Variants in PRKAA1 observed in about 807,000 individuals in gnomAD.
PRKAA1 encodes 5'-AMP-activated protein kinase catalytic subunit alpha-1.
In PRKAA1, 23 loss-of-function variants were observed where a neutral mutation model predicts 56.9. The ratio of observed to expected loss-of-function variants is 0.40; its 90% CI spans 0.29 to 0.57. The LOEUF (loss-of-function observed/expected upper bound fraction) is 0.57. Among genes scored for constraint, PRKAA1 ranks in the 20% least tolerant of loss-of-function variants. The probability of loss-of-function intolerance (pLI) is 0.39; values close to 1 mark genes in which losing one functional copy is unlikely to be tolerated. For synonymous variants in PRKAA1, 226 were observed against 227.0 expected, an observed-to-expected ratio of 1.00 and a Z score of 0.04; for missense variants, 413 against 679.7, an observed-to-expected ratio of 0.61 and a Z score of 4.36.
At chr5:40,768,370 C>G in intron 5 of PRKAA1, 1 of 856,610 alleles carries the variant, frequency 1.2e-6, no homozygotes, top group Non-Finnish European at 1.4e-6. Context: ...TCAGTAATAG[C>G]CCATTGCATA....
chr5:40,777,918 C>CA (rs1251623913), intron 1 of PRKAA1, among the ~76,000 whole-genome samples: 1 of 152,108 alleles, frequency 6.6e-6, no homozygotes, highest in African/African-American at 2.4e-5. Context: ...ACTAAAAATA[C>CA]AAAAAATTGG....
At position 40,771,616 on chromosome 5, in the gene PRKAA1, C is replaced by T. The variant is rs540872099; in HGVS notation, c.508+103G>A. On this transcript the variant is annotated intron_variant, in intron 4 of 8. Coordinates refer to ENST00000397128, the MANE Select transcript of PRKAA1 (RefSeq NM_006251.6). ...ATACTTTGATATACTCAGTCTATTA[C>T]TTTATGTAATCTTTTACAGTTATCT... 4 of 1,180,286 alleles carry T rather than the reference C, an allele frequency of 3.4e-6. No homozygotes were observed. In the South Asian group the frequency reaches 6.1e-5, roughly 18 times the overall value. 73.1% of individuals were successfully genotyped at this position (1,180,286 alleles called of 1,614,324 possible).
In PRKAA1 at chr5:40,761,902, G is replaced by A. The variant is rs1304165942; in HGVS notation, c.*876C>T. On this transcript the variant is annotated 3_prime_UTR_variant, in exon 9 of 9. Transcript: ENST00000397128. ...CTGAATATATAAATTCTGTGTTTTT[G>A]GACTTGTAAAGCTAAAATGAAATTT... The A allele has an allele frequency of 1.3e-5, 2 of 152,124 alleles. No individual in the cohort carries two copies. The highest frequency in any genetic ancestry group is 2.9e-5 in the Non-Finnish European group (2 of 68,008). The allele number at this position is 152,124 out of a possible 1,614,324, so 9.4% of individuals were successfully genotyped here.
chr5:40,795,992 C>T (rs1279849622), intron 1 of PRKAA1, among the ~76,000 whole-genome samples: 1 of 152,214 alleles, frequency 6.6e-6, no homozygotes, highest in Non-Finnish European at 1.5e-5. Context: ...TGCTTTACTA[C>T]CTGCCATGCC....
intron 1 of PRKAA1, among the ~76,000 whole-genome samples, chr5:40,781,310 G>A (rs534270049): frequency 6.6e-6 from 1 of 152,284 alleles, no homozygotes; most frequent in South Asian, 2.1e-4. Context: ...AGACAGTCAT[G>A]AGGCTAAGTC....
At chr5:40,780,003 G>T (rs1313151502) in intron 1 of PRKAA1, among the ~76,000 whole-genome samples, 2 of 152,144 alleles carry the variant, frequency 1.3e-5, no homozygotes, top group Admixed American at 1.3e-4. Flanking sequence ...TAGCAAATTG[G>T]CACTATGTGT....
At chr5:40,765,577 T>C (rs938156387) in intron 6 of PRKAA1, among the ~76,000 whole-genome samples, 1 of 152,168 alleles carries the variant, frequency 6.6e-6, no homozygotes, top group Non-Finnish European at 1.5e-5. Context: ...TAATACTCTT[T>C]TGATATAATG....
Position 40,764,557 on chromosome 5 carries a change from T to G in PRKAA1, c.1392A>C (p.Gln464His). ...TYSKMSLQLYQVDSRTYLLDF... is the reference protein window; with the variant it reads ...TYSKMSLQLYHVDSRTYLLDF... ...CCAGTAGATAAGTTCTACTATCCACTTGGTATAACTGTAGACTCATTTTGG... is the reference window on the plus strand; with the variant it reads ...CCAGTAGATAAGTTCTACTATCCACGTGGTATAACTGTAGACTCATTTTGG... Residue 464 changes from glutamine to histidine, a missense_variant, in exon 8 of 9, where the codon CAA (glutamine) becomes CAC (histidine). Gln to His is a conservative substitution (Grantham distance 24). This residue lies in a region of PRKAA1 where 139 missense variants were observed against 171.5 expected (regional missense o/e 0.81). Transcript: ENST00000397128. 1 of 1,612,996 alleles carries G rather than the reference T, an allele frequency of 6.2e-7. No individual in the cohort carries two copies. Among genetic ancestry groups the G allele is most frequent in the South Asian group, 1.1e-5 (1 of 91,036 alleles).
In PRKAA1 at chr5:40,769,461, C is replaced by T; in HGVS notation, c.551G>A (p.Ser184Asn). 1 of 1,611,232 alleles carries T rather than the reference C, an allele frequency of 6.2e-7. No individual in the cohort carries two copies. The highest frequency in any genetic ancestry group is 8.5e-7 in the Non-Finnish European group (1 of 1,178,430). ...TGCAGCATAGTTGGGTGAGCCACAA[C>T]TTGTTCTTAAAAATTCACCATCTGA... ...MMSDGEFLRT[S>N]CGSPNYAAPE... The change falls in exon 5 of 9, where the codon AGT becomes AAT. Residue 184 changes from serine to asparagine, a missense_variant. This residue lies in a region of PRKAA1 where 113 missense variants were observed against 198.6 expected (regional missense o/e 0.57). Coordinates refer to ENST00000397128, the MANE Select transcript of PRKAA1 (RefSeq NM_006251.6).
rs1388008210 is a variant in PRKAA1, at chr5:40,769,823, C to T, written c.509-320G>A. 2.5e-5 allele frequency among the ~76,000 whole-genome samples: 3 copies of T among 120,154 alleles called. No individual in the cohort carries two copies. In the East Asian group the frequency reaches 7.7e-4, roughly 31 times the overall value. 78.8% of individuals were successfully genotyped at this position (120,154 alleles called of 152,430 possible). A position where few individuals can be genotyped will look rare whatever the true frequency, so the allele number is the denominator to read the frequency against. On this transcript the variant is annotated intron_variant, in intron 4 of 8. Coordinates refer to ENST00000397128, the MANE Select transcript of PRKAA1 (RefSeq NM_006251.6). ...AATCACTAGGGAAAATAATCTATAACAGATGAATAGAAGGATTAAAATTCA... is the reference window on the plus strand; with the variant it reads ...AATCACTAGGGAAAATAATCTATAATAGATGAATAGAAGGATTAAAATTCA...
intron 5 of PRKAA1, chr5:40,768,881 T>A: frequency 6.4e-7 from 1 of 1,562,260 alleles, no homozygotes; most frequent in African/African-American, 1.4e-5. Context: ...ATCTTCATGT[T>A]CTCAATGCTG....
chr5:40,786,786 CAAAAAAAAAAAAAA>C (rs34749478), intron 1 of PRKAA1, among the ~76,000 whole-genome samples: 30 of 43,514 alleles, frequency 6.9e-4, no homozygotes, highest in Non-Finnish European at 9.9e-4. Flanking sequence ...ACTAAAAATA[CAAAAAAAAAAAAAA>C]AAAAAAAAAA....
At chr5:40,791,966 A>AT (rs1744734470) in intron 1 of PRKAA1, among the ~76,000 whole-genome samples, 1 of 152,228 alleles carries the variant, frequency 6.6e-6, no homozygotes, top group African/African-American at 2.4e-5. Context: ...ATTATTTTTC[A>AT]TATTTATTTT....
chr5:40,792,983 C>G (rs1447394249), intron 1 of PRKAA1, among the ~76,000 whole-genome samples: 1 of 151,464 alleles, frequency 6.6e-6, no homozygotes, highest in Non-Finnish European at 1.5e-5. Flanking sequence ...TGGAGAATCG[C>G]TTGAACCCGG....
chr5:40,769,893 A>AC (rs1219953703), intron 4 of PRKAA1, among the ~76,000 whole-genome samples: 16 of 151,368 alleles, frequency 1.1e-4, no homozygotes, highest in African/African-American at 3.6e-4. Context: ...AAAAAAAAAA[A>AC]AAAAAAAACA....
intron 1 of PRKAA1, among the ~76,000 whole-genome samples, chr5:40,790,923 T>A (rs1744695306): frequency 6.6e-6 from 1 of 152,162 alleles, no homozygotes; most frequent in Non-Finnish European, 1.5e-5. Context: ...AAACCTATGA[T>A]GGAGGTATTG....
intron 1 of PRKAA1, among the ~76,000 whole-genome samples, chr5:40,780,227 C>A (rs1052881745): frequency 1.2e-4 from 19 of 152,108 alleles, no homozygotes; most frequent in Non-Finnish European, 2.5e-4. Context: ...CTTCACAACA[C>A]CAATAATAAT....
chr5:40,780,707 T>C (rs997131726), intron 1 of PRKAA1, among the ~76,000 whole-genome samples: 4 of 152,122 alleles, frequency 2.6e-5, no homozygotes, highest in African/African-American at 9.7e-5. Flanking sequence ...CCTGGAGTTC[T>C]GATGTTCAAT....
intron 1 of PRKAA1, among the ~76,000 whole-genome samples, chr5:40,795,602 G>A (rs974041061): frequency 3.3e-5 from 5 of 152,244 alleles, no homozygotes; most frequent in African/African-American, 9.6e-5. Context: ...TAAGAGATAT[G>A]CTGGCCTTCC....
Sources: allele counts gnomAD v4.1 joint callset (sites outside exome capture counted in the v4.1 genomes callset), GRCh38; gene constraint gnomAD v4.1.1; regional missense constraint gnomAD v4.1.1; transcripts MANE v1.5; gene names NCBI Gene and HGNC (gene_info 2026-07-23, HGNC 2026-07-21).